CNTN4: variants seen among roughly 807,000 people sequenced by gnomAD.
The protein encoded by CNTN4 is contactin-4.
A neutral mutation model predicts 122.5 loss-of-function variants in CNTN4; 77 were observed. The ratio of observed to expected loss-of-function variants is 0.63; its 90% CI spans 0.52 to 0.76. The LOEUF (loss-of-function observed/expected upper bound fraction) is 0.76, where lower values mean the gene tolerates loss of function less well. Among genes scored for constraint, CNTN4 ranks in the 30% least tolerant of loss-of-function variants. The pLI is 0.00. For missense variants in CNTN4, 1,256 were observed against 1,259.1 expected, an observed-to-expected ratio of 1.00 and a Z score of 0.04; for synonymous variants, 512 against 447.0, an observed-to-expected ratio of 1.15 and a Z score of -1.83.
intron 14 of CNTN4, among the ~76,000 whole-genome samples, chr3:3,025,718 T>C (rs545373450): frequency 6.6e-6 from 1 of 152,304 alleles, no homozygotes; most frequent in South Asian, 2.1e-4. Context: ...CATGGATTTT[T>C]CCTGTTTGCA....
chr3:2,508,409 G>C (rs17786957), intron 3 of CNTN4, among the ~76,000 whole-genome samples: 17,468 of 152,226 alleles, frequency 0.11, 1,297 homozygotes, highest in Middle Eastern at 0.17. Flanking sequence ...TGCACATCTG[G>C]TGACTTATTG....
chr3:2,136,276 C>G (rs1219656512), intron 2 of CNTN4, among the ~76,000 whole-genome samples: 1 of 152,194 alleles, frequency 6.6e-6, no homozygotes, highest in East Asian at 1.9e-4. Flanking sequence ...CTGGATGAAG[C>G]TGTACCTGAA....
chr3:3,003,390 T>C (rs1340760176), intron 14 of CNTN4, among the ~76,000 whole-genome samples: 1 of 152,148 alleles, frequency 6.6e-6, no homozygotes, highest in Non-Finnish European at 1.5e-5. Flanking sequence ...ATCCATACAA[T>C]GGACTATTAT....
In CNTN4 at chr3:2,400,404, A is replaced by AATATATAT. The variant is rs36082705; in HGVS notation, c.-89+61187_-89+61194dup. ...TGTGTGTGGTGTGTGTATGTGTGTGAATATATATATATATATATATATACA... is the reference window on the plus strand; with the variant it reads ...TGTGTGTGGTGTGTGTATGTGTGTGAATATATATATATATATATATATATATATATACA... On this transcript the variant is annotated intron_variant, in intron 3 of 24. Coordinates refer to ENST00000418658, the MANE Select transcript of CNTN4 (RefSeq NM_175607.3). 3.8e-3 allele frequency among the ~76,000 whole-genome samples: 346 copies of AATATATAT among 91,250 alleles called. 6 individuals carry two copies. Among genetic ancestry groups the AATATATAT allele is most frequent in the South Asian group, 9.3e-3 (28 of 3,002 alleles). 59.9% of individuals were successfully genotyped at this position (91,250 alleles called of 152,430 possible).
intron 13 of CNTN4, among the ~76,000 whole-genome samples, chr3:2,937,043 G>C (rs1378532174): frequency 6.6e-6 from 1 of 152,164 alleles, no homozygotes; most frequent in Non-Finnish European, 1.5e-5. Context: ...GCCAAACTCT[G>C]ATCTAACTCA....
At chr3:2,571,725 G>GTGA (rs1559251426) in intron 4 of CNTN4, among the ~76,000 whole-genome samples, 167 bp downstream of exon 4, 1 of 152,156 alleles carries the variant, frequency 6.6e-6, no homozygotes, top group Non-Finnish European at 1.5e-5. Context: ...TGGTCTTTTA[G>GTGA]TGACTCTTTT....
intron 4 of CNTN4, among the ~76,000 whole-genome samples, chr3:2,707,497 G>A (rs1174429756): frequency 6.6e-6 from 1 of 152,160 alleles, no homozygotes; most frequent in African/African-American, 2.4e-5. Flanking sequence ...AGCAGAGCCA[G>A]GTGTACATCT....
At chr3:2,508,417 T>A (rs2076794314) in intron 3 of CNTN4, among the ~76,000 whole-genome samples, 3 of 152,226 alleles carry the variant, frequency 2.0e-5, no homozygotes, top group Admixed American at 6.5e-5. Context: ...TGGTGACTTA[T>A]TGCTGAAGAT....
intron 2 of CNTN4, among the ~76,000 whole-genome samples, chr3:2,280,399 T>C (rs563073160): frequency 6.6e-6 from 1 of 152,374 alleles, no homozygotes; most frequent in East Asian, 1.9e-4. Flanking sequence ...CTCCCTTTTT[T>C]GTTTCTTATT....
chr3:2,243,217 T>C (rs1390968018), intron 2 of CNTN4, among the ~76,000 whole-genome samples: 1 of 152,176 alleles, frequency 6.6e-6, no homozygotes, highest in Non-Finnish European at 1.5e-5. Flanking sequence ...CCTAGCTCTT[T>C]GAAGACTTCC....
chr3:2,358,906 T>C lies in CNTN4; in HGVS notation c.-89+19673T>C, dbSNP rs566799735. Among the ~76,000 whole-genome samples, 36 of 152,296 alleles carry C rather than the reference T, an allele frequency of 2.4e-4. 2 individuals carry two copies. In the South Asian group the frequency reaches 6.6e-3, roughly 28 times the overall value. ...TATGGCTAGTCCGGTGCAGGCTGTG[T>C]ATGCAGGAGAATGAGGTTTTCTCTC... On this transcript the variant is annotated intron_variant, in intron 3 of 24. Coordinates refer to ENST00000418658, the MANE Select transcript of CNTN4 (RefSeq NM_175607.3).
At chr3:2,346,605 A>G (rs1333988165) in intron 3 of CNTN4, among the ~76,000 whole-genome samples, 1 of 152,094 alleles carries the variant, frequency 6.6e-6, no homozygotes, top group Non-Finnish European at 1.5e-5. Context: ...CTAGGATTGG[A>G]ATTCTTAGTT....
At chr3:2,146,956 T>C (rs547241443) in intron 2 of CNTN4, among the ~76,000 whole-genome samples, 13 of 152,140 alleles carry the variant, frequency 8.5e-5, no homozygotes, top group South Asian at 2.1e-4. Flanking sequence ...TCTTGGCTCA[T>C]TGCAACCTCT....
At chr3:2,667,635 C>T (rs1405732012) in intron 4 of CNTN4, among the ~76,000 whole-genome samples, 1 of 146,164 alleles carries the variant, frequency 6.8e-6, no homozygotes, top group Non-Finnish European at 1.5e-5. Flanking sequence ...GTTGCCATTG[C>T]TTTTGGTGTT....
intron 6 of CNTN4, among the ~76,000 whole-genome samples, chr3:2,765,229 G>A (rs570296237): frequency 6.6e-6 from 1 of 152,312 alleles, no homozygotes; most frequent in Admixed American, 6.5e-5. Flanking sequence ...AGAGATAGAG[G>A]ATAGGGTTTC....
Position 2,887,101 on chromosome 3 carries a change from A to C in CNTN4, c.817A>C (p.Arg273=). The change falls in exon 10 of 25, where the codon AGA becomes CGA. Residue 273 remains arginine (R), a synonymous_variant. Coordinates refer to ENST00000418658, the MANE Select transcript of CNTN4 (RefSeq NM_175607.3). ...DGKPIARKAR[R]HKSNGILEIP... ...AAAGCCAATAGCAAGGAAAGCCAGA[A>C]GACACAAGTCAAATGGAATTCTTGA... The C allele has an allele frequency of 6.2e-7, 1 of 1,614,186 alleles. No homozygotes were observed. The highest frequency in any genetic ancestry group is 8.5e-7 in the Non-Finnish European group (1 of 1,180,022).
At chr3:2,490,459 CA>C (rs2076285208) in intron 3 of CNTN4, among the ~76,000 whole-genome samples, 1 of 152,062 alleles carries the variant, frequency 6.6e-6, no homozygotes, top group Non-Finnish European at 1.5e-5. Context: ...AGTGGCCTAC[CA>C]AAAATTTGTT....
At chr3:2,120,400 TA>T (rs1225770642) in intron 2 of CNTN4, among the ~76,000 whole-genome samples, 1,164 of 32,612 alleles carry the variant, frequency 0.036, 26 homozygotes, top group East Asian at 0.17. Context: ...TATATATATA[TA>T]TATATTTTTT....
intron 2 of CNTN4, among the ~76,000 whole-genome samples, chr3:2,111,941 T>A (rs1387378439): frequency 6.6e-6 from 1 of 152,178 alleles, no homozygotes; most frequent in African/African-American, 2.4e-5. Flanking sequence ...TAAAATACTC[T>A]GTAAAGTGAT....
Sources: gnomAD v4.1 joint callset for allele counts (sites outside exome capture counted in the v4.1 genomes callset) on GRCh38, gnomAD v4.1.1 for gene constraint, MANE v1.5 for transcripts, NCBI Gene and HGNC (gene_info 2026-07-23, HGNC 2026-07-21) for gene names.